The following DYNC2LI1 variants were observed in gnomAD, a reference collection of about 807,000 sequenced individuals.
DYNC2LI1 encodes cytoplasmic dynein 2 light intermediate chain 1.
DYNC2LI1 carries 45 observed loss-of-function variants against 51.9 expected under a neutral mutation model. That is an observed-to-expected ratio of 0.87 (90% CI 0.68 to 1.11). The LOEUF (loss-of-function observed/expected upper bound fraction) is 1.11. Among genes scored for constraint, DYNC2LI1 ranks in the 50% most tolerant of loss-of-function variants. The probability of loss-of-function intolerance (pLI) is 0.00; values close to 1 mark genes in which losing one functional copy is unlikely to be tolerated. For synonymous variants in DYNC2LI1, 130 were observed against 137.8 expected (o/e 0.94, Z 0.40); for missense variants, 490 against 417.4 (o/e 1.17, Z -1.51).
the DYNC2LI1 span, chr2:43,824,188 C>G: frequency 1.2e-6 from 2 of 1,613,998 alleles, no homozygotes; most frequent in Non-Finnish European, 1.7e-6. Flanking sequence ...AGACCTCTAA[C>G]AGGCATTTCT....
At position 43,786,413 on chromosome 2, in the gene DYNC2LI1, C is replaced by G. The variant is rs548471386; in HGVS notation, c.162-768C>G. Among the ~76,000 whole-genome samples the G allele has an allele frequency of 8.3e-4, 127 of 152,156 alleles. 1 individual carries two copies. The highest frequency in any genetic ancestry group is 2.9e-3 in the African/African-American group (121 of 41,520). ...CCCAGGCCAGTCTTAAACTCATGGA[C>G]TCAAGCAATTTACTCGCCTCAGCCT... On this transcript the variant is annotated intron_variant, in intron 3 of 12. Transcript: ENST00000260605.
intron 2 of DYNC2LI1, 87 bp from the exon 3 acceptor site, chr2:43,783,433 T>A: frequency 9.9e-7 from 1 of 1,005,392 alleles, no homozygotes; most frequent in Non-Finnish European, 1.5e-6. Context: ...TGATTAAAAA[T>A]CTATTTTGGG....
At chr2:43,811,429 A>G (rs554582348), downstream of DYNC2LI1, among the ~76,000 whole-genome samples, 89 of 152,124 alleles carry the variant, frequency 5.9e-4, no homozygotes, top group Non-Finnish European at 8.8e-4. Flanking sequence ...AAATGCTATA[A>G]TTTATCTTTC....
chr2:43,798,107 T>C (rs1299642795), intron 8 of DYNC2LI1, among the ~76,000 whole-genome samples: 1 of 147,948 alleles, frequency 6.8e-6, no homozygotes, highest in Non-Finnish European at 1.5e-5. Context: ...AGACTGGGCT[T>C]GTCTCAAAAA....
intron 9 of DYNC2LI1, 53 bp from the exon 10 acceptor site, chr2:43,801,586 G>A (rs774546232): frequency 7.5e-7 from 1 of 1,341,004 alleles, no homozygotes; most frequent in Non-Finnish European, 1.1e-6. Context: ...AGGAGAGCGT[G>A]GCAGCAAATC....
chr2:43,792,557 T>A (rs970270159), intron 5 of DYNC2LI1: 2 of 971,268 alleles, frequency 2.1e-6, no homozygotes, highest in Non-Finnish European at 2.8e-6. Flanking sequence ...CATTTTTAAC[T>A]GTGCAGTTCA....
At chr2:43,813,156 A>G (rs911324763), downstream of DYNC2LI1, 1 of 1,466,896 alleles carries the variant, frequency 6.8e-7, no homozygotes, top group Non-Finnish European at 9.6e-7. Context: ...GAAAACAACT[A>G]TTCCTAGGAT....
downstream of DYNC2LI1, chr2:43,813,109 G>T: frequency 9.1e-7 from 1 of 1,094,396 alleles, no homozygotes; most frequent in Non-Finnish European, 1.4e-6. Flanking sequence ...CCCAGCCATG[G>T]CTTTCACTAC....
chr2:43,820,129 T>C, the DYNC2LI1 span: 12 of 1,605,190 alleles, frequency 7.5e-6, no homozygotes, highest in South Asian at 7.8e-5. Context: ...TTTAGTTTCC[T>C]CTCCAAGGGC....
chr2:43,783,328 A>T (rs764679026), intron 2 of DYNC2LI1, among the ~76,000 whole-genome samples, 192 bp from the exon 3 acceptor site: 3 of 152,206 alleles, frequency 2.0e-5, no homozygotes, highest in Admixed American at 6.5e-5. Flanking sequence ...TTACACTGTG[A>T]TGGAAAGTTG....
intron 3 of DYNC2LI1, among the ~76,000 whole-genome samples, chr2:43,785,585 T>C (rs1328124902): frequency 6.6e-6 from 1 of 151,848 alleles, no homozygotes; most frequent in African/African-American, 2.4e-5. Context: ...AATACAAAAA[T>C]TGGCCAAGCG....
Position 43,790,794 on chromosome 2 carries a change from TTTCTC to T in DYNC2LI1, c.320+1075_320+1079del, listed in dbSNP as rs200453230. Reference sequence around the variant, plus strand: ...TCTTGCTTTTCCACTTTTGAACACTTTTCTCTATGATTTTATTTTTCAGGAACATG... The same window carrying T: ...TCTTGCTTTTCCACTTTTGAACACTTTATGATTTTATTTTTCAGGAACATG... On this transcript the variant is annotated intron_variant, in intron 5 of 12. Coordinates refer to ENST00000260605, the MANE Select transcript of DYNC2LI1 (RefSeq NM_016008.4). Among the ~76,000 whole-genome samples, 1,008 of 152,356 alleles carry T rather than the reference TTTCTC, an allele frequency of 6.6e-3. 13 individuals are homozygous for T. Among genetic ancestry groups the T allele is most frequent in the African/African-American group, 0.023 (951 of 41,584 alleles).
At chr2:43,828,128 C>G in the DYNC2LI1 span, 1 of 1,613,856 alleles carries the variant, frequency 6.2e-7, no homozygotes, top group Non-Finnish European at 8.5e-7. Context: ...GCAGGAGACA[C>G]AAATTACAGG....
chr2:43,806,757 G>A (rs3792012), intron 12 of DYNC2LI1, among the ~76,000 whole-genome samples: 65,218 of 151,990 alleles, frequency 0.43, 15,876 homozygotes, highest in African/African-American at 0.66. Flanking sequence ...ATTCAAATCT[G>A]TCTTCTCTAA....
At chr2:43,824,184 C>T in the DYNC2LI1 span, 1 of 1,614,062 alleles carries the variant, frequency 6.2e-7, no homozygotes, top group African/African-American at 1.3e-5. Context: ...CTAAAGACCT[C>T]TAACAGGCAT....
At position 43,776,795 on chromosome 2, in the gene DYNC2LI1, G is replaced by A. The variant is rs1381223662; in HGVS notation, c.22G>A (p.Glu8Lys). MPSETLWEIAKAEVEKRG... is the reference protein window; with the variant it reads MPSETLWKIAKAEVEKRG... ...CCTCTCATGTAGTGAAACTCTCTGG[G>A]AAATTGCAAAAGCTGAAGTGGAAAA... The change falls in exon 2 of 13, where the codon GAA becomes AAA. Residue 8 changes from glutamate to lysine, a missense_variant. Physicochemically the swap from Glu to Lys is moderately conservative, Grantham distance 56 (BLOSUM62 1). Coordinates refer to ENST00000260605, the MANE Select transcript of DYNC2LI1 (RefSeq NM_016008.4). 4 of 1,580,600 alleles carry A rather than the reference G, an allele frequency of 2.5e-6. No individual in the cohort carries two copies. The highest frequency in any genetic ancestry group is 2.6e-6 in the Non-Finnish European group (3 of 1,162,304).
chr2:43,780,211 G>A (rs959084203), intron 2 of DYNC2LI1, among the ~76,000 whole-genome samples: 1 of 152,178 alleles, frequency 6.6e-6, no homozygotes, highest in Non-Finnish European at 1.5e-5. Flanking sequence ...GATTTTGGAA[G>A]CAGTGCAGTT....
the DYNC2LI1 span, chr2:43,822,884 T>A: frequency 6.2e-7 from 1 of 1,614,118 alleles, no homozygotes; most frequent in East Asian, 2.2e-5. Flanking sequence ...CTGCCACTTC[T>A]GGTAGAGGCC....
intron 2 of DYNC2LI1, among the ~76,000 whole-genome samples, chr2:43,778,765 C>T (rs902087044): frequency 6.6e-6 from 1 of 152,132 alleles, no homozygotes; most frequent in African/African-American, 2.4e-5. Context: ...ATTCTTGACT[C>T]CCTTGTAGTC....
Sources: allele counts gnomAD v4.1 joint callset (sites outside exome capture counted in the v4.1 genomes callset), GRCh38; gene constraint gnomAD v4.1.1; transcripts MANE v1.5; gene names NCBI Gene and HGNC (gene_info 2026-07-23, HGNC 2026-07-21).